The following SDK1 variants were observed in gnomAD, a reference collection of about 807,000 sequenced individuals.
SDK1 encodes the protein protein sidekick-1.
Under a neutral mutation model 245.5 loss-of-function variants are expected in SDK1, and 157 were observed. The observed-to-expected ratio is 0.64, with a 90% CI of 0.56 to 0.73. The LOEUF (loss-of-function observed/expected upper bound fraction) is 0.73, where lower values mean the gene tolerates loss of function less well. SDK1 is among the 30% of genes least tolerant of loss of function. The pLI, the probability that SDK1 is intolerant of heterozygous loss-of-function variation, is 0.00. For missense variants in SDK1, 3,583 were observed against 3,002.3 expected, an observed-to-expected ratio of 1.19 and a Z score of -4.52; for synonymous variants, 1,647 against 1,278.5, an observed-to-expected ratio of 1.29 and a Z score of -6.15.
chr7:3,489,378 G>A (rs982558624), intron 1 of SDK1, among the ~76,000 whole-genome samples: 2 of 152,102 alleles, frequency 1.3e-5, no homozygotes, highest in African/African-American at 4.8e-5. Context: ...GGTGATTTTT[G>A]TCTTAAATAA....
chr7:3,514,726 G>A (rs866155068), intron 1 of SDK1, among the ~76,000 whole-genome samples: 3 of 152,128 alleles, frequency 2.0e-5, no homozygotes, highest in Non-Finnish European at 2.9e-5. Context: ...CTTAGACCCC[G>A]TCTCCTTGAC....
In SDK1 at chr7:3,301,689, C is replaced by T; in HGVS notation, c.103C>T (p.Arg35Cys). 1 of 973,604 alleles carries T rather than the reference C, an allele frequency of 1.0e-6. No homozygotes were observed. The highest frequency in any genetic ancestry group is 4.7e-5 in the South Asian group (1 of 21,122). The allele number at this position is 973,604 out of a possible 1,614,324, so 60.3% of individuals were successfully genotyped here. ...PGRPRGSPPG[R>C]ARPSLAPRPG... ...GCGGCCGCGGGGATCCCCGCCCGGC[C>T]GCGCCCGCCCCTCGCTGGCGCCGCG... The change falls in exon 1 of 45, where the codon CGC (arginine) becomes TGC (cysteine). Residue 35 changes from arginine (R) to cysteine (C), a missense_variant. Arg to Cys is a radical substitution (Grantham distance 180). Coordinates refer to ENST00000404826, the MANE Select transcript of SDK1 (RefSeq NM_152744.4).
chr7:3,339,183 T>TA (rs1562424236), intron 1 of SDK1, among the ~76,000 whole-genome samples: 11 of 125,010 alleles, frequency 8.8e-5, no homozygotes, highest in Non-Finnish European at 1.8e-4. Flanking sequence ...CAGAATAAAT[T>TA]AATAAAGACA....
At chr7:4,077,299 G>C (rs1780748726) in intron 21 of SDK1, 110 bp downstream of exon 21, 4 of 1,033,266 alleles carry the variant, frequency 3.9e-6, no homozygotes, top group African/African-American at 1.6e-5. Flanking sequence ...CCTTGAAAAG[G>C]AGTAGTGGCC....
chr7:3,949,507 C>T (rs76044193), intron 5 of SDK1, among the ~76,000 whole-genome samples: 3,753 of 152,312 alleles, frequency 0.025, 70 homozygotes, highest in Non-Finnish European at 0.038. Flanking sequence ...CCTCCGCTGC[C>T]GCTCACGATG....
intron 22 of SDK1, among the ~76,000 whole-genome samples, chr7:4,095,765 G>A (rs1216915506): frequency 6.6e-6 from 1 of 152,108 alleles, no homozygotes; most frequent in Non-Finnish European, 1.5e-5. Context: ...GTAGAGATGG[G>A]GTTTCGCCGT....
intron 1 of SDK1, among the ~76,000 whole-genome samples, chr7:3,352,342 G>A (rs757785168): frequency 9.9e-5 from 15 of 152,020 alleles, no homozygotes; most frequent in African/African-American, 3.6e-4. Context: ...TAGGAGGCTA[G>A]TGATCATGTA....
At chr7:4,107,555 A>G (rs1783021047) in intron 22 of SDK1, among the ~76,000 whole-genome samples, 1 of 151,804 alleles carries the variant, frequency 6.6e-6, no homozygotes, top group Non-Finnish European at 1.5e-5. Context: ...TTTAACACCC[A>G]GAGGACTGGT....
intron 17 of SDK1, among the ~76,000 whole-genome samples, chr7:4,037,490 A>T (rs1304183040): frequency 2.0e-5 from 3 of 152,062 alleles, no homozygotes; most frequent in Admixed American, 2.0e-4. Flanking sequence ...GTGATGACTC[A>T]TCTGTAATTG....
intron 9 of SDK1, 66 bp downstream of exon 9, chr7:3,962,917 G>T (rs1414375526): frequency 1.2e-6 from 1 of 847,952 alleles, no homozygotes; most frequent in Non-Finnish European, 1.6e-6. Flanking sequence ...CAGCCCCATG[G>T]CTACCTGGAT....
intron 44 of SDK1, among the ~76,000 whole-genome samples, chr7:4,248,161 T>A (rs527965596): frequency 3.9e-4 from 59 of 152,134 alleles, no homozygotes; most frequent in African/African-American, 1.3e-3. Context: ...CATGCACACA[T>A]GAACACATAT....
intron 1 of SDK1, among the ~76,000 whole-genome samples, chr7:3,552,593 C>A (rs1260028078): frequency 6.6e-6 from 1 of 152,150 alleles, no homozygotes; most frequent in East Asian, 1.9e-4. Flanking sequence ...TTTAGAGAGC[C>A]TCACTTCTGT....
chr7:3,739,016 T>C (rs1779401003), intron 4 of SDK1, among the ~76,000 whole-genome samples: 1 of 152,150 alleles, frequency 6.6e-6, no homozygotes, highest in Non-Finnish European at 1.5e-5. Flanking sequence ...AGATCGTTTA[T>C]CTAAGAATAG....
At chr7:3,577,293 G>T (rs1177566263) in intron 1 of SDK1, among the ~76,000 whole-genome samples, 1 of 152,046 alleles carries the variant, frequency 6.6e-6, no homozygotes, top group African/African-American at 2.4e-5. Flanking sequence ...CTCTGAGATT[G>T]GTTCTGTTAT....
At chr7:3,817,661 C>T (rs957661610) in intron 4 of SDK1, among the ~76,000 whole-genome samples, 3 of 152,144 alleles carry the variant, frequency 2.0e-5, no homozygotes, top group Non-Finnish European at 4.4e-5. Context: ...CAGGGAGCTT[C>T]CCAGTCGATG....
At chr7:3,655,501 A>ATGTATGTATG (rs1554303531) in intron 4 of SDK1, among the ~76,000 whole-genome samples, 4 of 52,820 alleles carry the variant, frequency 7.6e-5, no homozygotes, top group Admixed American at 2.3e-4. Context: ...ATATATATAT[A>ATGTATGTATG]TATGTATGTA....
At chr7:3,864,779 A>G (rs917521947) in intron 5 of SDK1, among the ~76,000 whole-genome samples, 1 of 152,216 alleles carries the variant, frequency 6.6e-6, no homozygotes, top group African/African-American at 2.4e-5. Flanking sequence ...CAATTAGCTC[A>G]GTCACACTTC....
intron 1 of SDK1, among the ~76,000 whole-genome samples, chr7:3,379,977 C>G (rs536685936): frequency 6.6e-6 from 1 of 152,252 alleles, no homozygotes; most frequent in South Asian, 2.1e-4. Context: ...GGTCCTGAAC[C>G]TTTCAGATAA....
chr7:3,558,504 C>T (rs934303475), intron 1 of SDK1, among the ~76,000 whole-genome samples: 1 of 152,174 alleles, frequency 6.6e-6, no homozygotes, highest in African/African-American at 2.4e-5. Flanking sequence ...GGATCACAGC[C>T]CTACACTTTT....
Sources: allele counts gnomAD v4.1 joint callset (sites outside exome capture counted in the v4.1 genomes callset), GRCh38; gene constraint gnomAD v4.1.1; transcripts MANE v1.5; gene names NCBI Gene and HGNC (gene_info 2026-07-23, HGNC 2026-07-21).